Variants in NFIA observed in about 807,000 individuals in gnomAD.
The protein encoded by NFIA is nuclear factor I A, also known as nuclear factor 1 A-type.
Under a neutral mutation model 62.8 loss-of-function variants are expected in NFIA, and 8 were observed. The observed-to-expected ratio is 0.13, with a 90% CI of 0.07 to 0.23. The LOEUF (loss-of-function observed/expected upper bound fraction) is 0.23, where lower values mean the gene tolerates loss of function less well. NFIA is among the 10% of genes least tolerant of loss of function. The pLI is 1.00. For synonymous variants in NFIA, 235 were observed against 238.1 expected, an observed-to-expected ratio of 0.99 and a Z score of 0.12; for missense variants, 410 against 642.1, an observed-to-expected ratio of 0.64 and a Z score of 3.91.
chr1:61,082,050 C>T (rs1248584697), upstream of NFIA: 2 of 1,547,194 alleles, frequency 1.3e-6, no homozygotes, highest in East Asian at 4.9e-5. Context: ...CCACCGAGGT[C>T]CGCGGAGGTC....
chr1:61,087,034 C>T (rs148310610), intron 1 of NFIA, among the ~76,000 whole-genome samples: 1,781 of 152,096 alleles, frequency 0.012, 20 homozygotes, highest in Middle Eastern at 0.065. Context: ...AAAAGTTAGA[C>T]GTACTCCGAA....
At chr1:61,377,967 ATGT>A (rs2100475680) in intron 6 of NFIA, among the ~76,000 whole-genome samples, 1 of 152,232 alleles carries the variant, frequency 6.6e-6, no homozygotes, top group East Asian at 1.9e-4. Flanking sequence ...ATTCCCATTA[ATGT>A]TGTAGCTCCT....
intron 3 of NFIA, among the ~76,000 whole-genome samples, chr1:61,299,229 T>G (rs1659362164): frequency 6.6e-6 from 1 of 152,156 alleles, no homozygotes; most frequent in Admixed American, 6.5e-5. Context: ...CTGTTGGCAT[T>G]TAGTGCCATT....
chr1:61,351,211 G>A (rs186065549), intron 4 of NFIA, among the ~76,000 whole-genome samples: 21 of 152,314 alleles, frequency 1.4e-4, no homozygotes, highest in Non-Finnish European at 2.1e-4. Flanking sequence ...AGCACCTGTA[G>A]CTCTATCAGA....
At chr1:61,274,592 G>A (rs1339015040) in intron 2 of NFIA, among the ~76,000 whole-genome samples, 1 of 152,168 alleles carries the variant, frequency 6.6e-6, no homozygotes, top group African/African-American at 2.4e-5. Flanking sequence ...ATTATTTAAG[G>A]TGGTAGAAAT....
intron 2 of NFIA, among the ~76,000 whole-genome samples, chr1:61,188,876 C>G (rs566536071): frequency 6.6e-6 from 1 of 152,214 alleles, no homozygotes; most frequent in Non-Finnish European, 1.5e-5. Context: ...CCTGTTTGTC[C>G]GATTCCATCT....
At chr1:61,314,827 G>A (rs544623643) in intron 3 of NFIA, among the ~76,000 whole-genome samples, 2 of 152,296 alleles carry the variant, frequency 1.3e-5, no homozygotes, top group South Asian at 4.1e-4. Context: ...ATTTGAACTG[G>A]ATCTTCCTGG....
intron 2 of NFIA, among the ~76,000 whole-genome samples, chr1:61,193,607 C>T (rs1651794866): frequency 6.6e-6 from 1 of 152,006 alleles, no homozygotes; most frequent in Non-Finnish European, 1.5e-5. Flanking sequence ...ATGTTTTTTC[C>T]ATTAGTTGGA....
intron 6 of NFIA, among the ~76,000 whole-genome samples, chr1:61,379,125 A>G (rs375931305): frequency 9.2e-5 from 14 of 152,202 alleles, no homozygotes; most frequent in African/African-American, 3.4e-4. Flanking sequence ...ATTCACAAGA[A>G]TGACATTTAT....
At chr1:61,445,660 C>T (rs1379961553) in intron 10 of NFIA, among the ~76,000 whole-genome samples, 10 of 152,186 alleles carry the variant, frequency 6.6e-5, no homozygotes, top group South Asian at 6.2e-4. Context: ...GAGCTATGAC[C>T]GCGCACAGGG....
chr1:61,268,014 TTTGGGTAG>T, intron 2 of NFIA, among the ~76,000 whole-genome samples: 1 of 152,300 alleles, frequency 6.6e-6, no homozygotes, highest in South Asian at 2.1e-4. Flanking sequence ...TCATTTCCCC[TTTGGGTAG>T]GAGTAGTGGT....
chr1:61,398,333 T>A (rs1665385835), intron 7 of NFIA, among the ~76,000 whole-genome samples: 1 of 152,234 alleles, frequency 6.6e-6, no homozygotes, highest in African/African-American at 2.4e-5. Flanking sequence ...TAGCTAAAAT[T>A]GATCTAGATA....
At chr1:61,122,926 A>C (rs1402174687) in intron 2 of NFIA, among the ~76,000 whole-genome samples, 1 of 152,120 alleles carries the variant, frequency 6.6e-6, no homozygotes, top group Non-Finnish European at 1.5e-5. Context: ...TCCCCCACCC[A>C]GCCCAAGCTC....
At chr1:61,256,963 T>C (rs1656436459) in intron 2 of NFIA, among the ~76,000 whole-genome samples, 1 of 152,196 alleles carries the variant, frequency 6.6e-6, no homozygotes, top group African/African-American at 2.4e-5. Context: ...ATTAAAACCT[T>C]TCAACTTAGA....
At chr1:61,223,536 A>T (rs1422087907) in intron 2 of NFIA, among the ~76,000 whole-genome samples, 3 of 152,174 alleles carry the variant, frequency 2.0e-5, no homozygotes, top group Admixed American at 6.5e-5. Context: ...AACTCCACAA[A>T]TTTTAACTTA....
intron 2 of NFIA, among the ~76,000 whole-genome samples, chr1:61,204,630 G>T (rs1423392067): frequency 2.0e-5 from 3 of 152,052 alleles, no homozygotes; most frequent in Non-Finnish European, 2.9e-5. Flanking sequence ...CCAGCTGTGG[G>T]TATTTGTATT....
chr1:61,458,904 G>A lies in NFIA; in HGVS notation c.*3584G>A, dbSNP rs1208729922. ...GATTTGCAGGAAAAAATGTTTTAAA[G>A]GCTTTAAAACATTAGGGAGGCAGTC... On this transcript the variant is annotated 3_prime_UTR_variant, in exon 11 of 11. Transcript: ENST00000403491. 6.6e-6 allele frequency: 1 copy of A among 151,992 alleles called. No homozygotes were observed. Among genetic ancestry groups the A allele is most frequent in the East Asian group, 1.9e-4 (1 of 5,188 alleles). 9.4% of individuals were successfully genotyped at this position (151,992 alleles called of 1,614,324 possible).
chr1:61,329,939 C>T (rs1019369558), intron 3 of NFIA, among the ~76,000 whole-genome samples: 4 of 152,112 alleles, frequency 2.6e-5, no homozygotes, highest in South Asian at 2.1e-4. Context: ...GAGCCACAGT[C>T]GCAGGAGGGT....
intron 2 of NFIA, among the ~76,000 whole-genome samples, chr1:61,190,324 G>A (rs542287737): frequency 1.2e-4 from 19 of 152,296 alleles, no homozygotes; most frequent in Non-Finnish European, 2.6e-4. Context: ...GAGGTTGGCG[G>A]TTCCTTTATT....
Sources: gnomAD v4.1 joint callset for allele counts (sites outside exome capture counted in the v4.1 genomes callset) on GRCh38, gnomAD v4.1.1 for gene constraint, MANE v1.5 for transcripts, NCBI Gene and HGNC (gene_info 2026-07-23, HGNC 2026-07-21) for gene names.